DNAH9: variants seen among roughly 807,000 people sequenced by gnomAD.
The protein encoded by DNAH9 is DNAH9 variant protein.
In DNAH9, 345 loss-of-function variants were observed where a neutral mutation model predicts 471.6. That is an observed-to-expected ratio of 0.73 (90% CI 0.67 to 0.80). The LOEUF is 0.80. Ranked by LOEUF, DNAH9 falls within the 30% of genes least tolerant of loss-of-function variation. The probability of loss-of-function intolerance (pLI) is 0.00; values close to 1 mark genes in which losing one functional copy is unlikely to be tolerated. For missense variants in DNAH9, 5,407 were observed against 5,609.2 expected, an observed-to-expected ratio of 0.96 and a Z score of 1.15; for synonymous variants, 2,093 against 2,123.6, an observed-to-expected ratio of 0.99 and a Z score of 0.40.
chr17:11,649,037 G>A lies in DNAH9; in HGVS notation c.2097+1839G>A, dbSNP rs2073448146. Among the ~76,000 whole-genome samples the A allele has an allele frequency of 2.0e-5, 3 of 151,754 alleles. No homozygotes were observed. The South Asian group carries it at 6.2e-4, about 32-fold the overall frequency. The stretch of plus-strand genomic sequence containing the variant: ...AGCTACTCAGGAGGCTGAGGCAGGA[G>A]AATTGCTTGAACCTAGGAGGCAGTG... On this transcript the variant is annotated intron_variant, in intron 12 of 68. Coordinates refer to ENST00000262442, the MANE Select transcript of DNAH9 (RefSeq NM_001372.4).
intron 61 of DNAH9, among the ~76,000 whole-genome samples, chr17:11,915,326 C>T (rs912062864): frequency 2.0e-5 from 3 of 152,086 alleles, no homozygotes; most frequent in African/African-American, 7.2e-5. Flanking sequence ...GAGATCGATA[C>T]CAACCTGTCC....
At position 11,680,780 on chromosome 17, in the gene DNAH9, G is replaced by A; in HGVS notation, c.3634G>A (p.Val1212Met). ...GGTGGCCATTACTGTGAAGCAGCAGGTGGCCCCACTGCAGGCAAATGAAGT... is the reference window on the plus strand; with the variant it reads ...GGTGGCCATTACTGTGAAGCAGCAGATGGCCCCACTGCAGGCAAATGAAGT... ...KKVAITVKQQ[V>M]APLQANEVTL... Residue 1212 changes from valine to methionine, a missense_variant, in exon 19 of 69, where the codon GTG becomes ATG. Physicochemically the swap from Val to Met is conservative, Grantham distance 21. Around this residue, in one of 3 missense-constraint regions of DNAH9, gnomAD observed 4,636 missense variants for 4,900.3 expected, o/e 0.95. Coordinates refer to ENST00000262442, the MANE Select transcript of DNAH9 (RefSeq NM_001372.4). 1 of 1,613,928 alleles carries A rather than the reference G, an allele frequency of 6.2e-7. No homozygotes were observed. The highest frequency in any genetic ancestry group is 1.1e-5 in the South Asian group (1 of 91,040).
At chr17:11,703,404 T>C (rs998089703) in intron 24 of DNAH9, among the ~76,000 whole-genome samples, 4 of 152,180 alleles carry the variant, frequency 2.6e-5, no homozygotes, top group Non-Finnish European at 5.9e-5. Context: ...CTTCCTTGTT[T>C]ACCTGTATCA....
At chr17:11,721,573 T>C (rs2075059603) in intron 27 of DNAH9, among the ~76,000 whole-genome samples, 1 of 152,052 alleles carries the variant, frequency 6.6e-6, no homozygotes, top group Admixed American at 6.5e-5. Flanking sequence ...CAGCATGTGC[T>C]GAGCATTGTG....
intron 35 of DNAH9, among the ~76,000 whole-genome samples, chr17:11,762,770 G>GTTTTTGTTTT (rs1967747976): frequency 1.1e-5 from 1 of 90,742 alleles, no homozygotes; most frequent in Non-Finnish European, 2.2e-5. Flanking sequence ...TTTTTTTTTT[G>GTTTTTGTTTT]TTTTTTTTTT....
intron 55 of DNAH9, chr17:11,883,050 G>C (rs1470728330): frequency 1.0e-6 from 1 of 986,802 alleles, no homozygotes; most frequent in African/African-American, 1.7e-5. Flanking sequence ...CATAAAGAGA[G>C]GAAGAGATGA....
intron 43 of DNAH9, among the ~76,000 whole-genome samples, chr17:11,805,523 CTTTTTTTTTTTTTTTTTTTTTTTTTTT>C (rs773842478): frequency 3.1e-4 from 16 of 52,066 alleles, no homozygotes; most frequent in South Asian, 1.7e-3. Flanking sequence ...TACCCGAGTT[CTTTTTTTTTTTTTTTTTTTTTTTTTTT>C]TTTTTTTTTT....
At chr17:11,823,227 A>G (rs757007355) in intron 48 of DNAH9, among the ~76,000 whole-genome samples, 193 bp downstream of exon 48, 8 of 152,120 alleles carry the variant, frequency 5.3e-5, no homozygotes, top group Non-Finnish European at 1.0e-4. Flanking sequence ...TCTACATTGT[A>G]GGAGAGCTTT....
At chr17:11,769,376 G>T in intron 38 of DNAH9, 47 bp downstream of exon 38, 1 of 1,528,046 alleles carries the variant, frequency 6.5e-7, no homozygotes, top group Non-Finnish European at 8.9e-7. Flanking sequence ...GGGTGGCCGT[G>T]TCACCTGACA....
intron 48 of DNAH9, among the ~76,000 whole-genome samples, chr17:11,827,120 T>C (rs28533711): frequency 0.58 from 88,074 of 152,000 alleles, 25,660 homozygotes; most frequent in Non-Finnish European, 0.6. Context: ...CCACCATGCC[T>C]GGCCGAGTCC....
chr17:11,679,725 A>G lies in DNAH9; in HGVS notation c.3354-32A>G, dbSNP rs369987576. On this transcript the variant is annotated intron_variant, in intron 17 of 68. Transcript: ENST00000262442. ...CTGCCTTTCGAGAAGTAGAACGAGAATGGTTCCTCATGTTCTGTTTGTGTT... is the reference window on the plus strand; with the variant it reads ...CTGCCTTTCGAGAAGTAGAACGAGAGTGGTTCCTCATGTTCTGTTTGTGTT... The G allele has an allele frequency of 1.5e-5, 22 of 1,448,822 alleles. No homozygotes were observed. In the African/African-American group the frequency reaches 2.5e-4, roughly 17 times the overall value. The allele number at this position is 1,448,822 out of a possible 1,614,324, so 89.7% of individuals were successfully genotyped here.
At chr17:11,943,407 G>A (rs1051008754) in intron 67 of DNAH9, among the ~76,000 whole-genome samples, 4 of 152,028 alleles carry the variant, frequency 2.6e-5, no homozygotes, top group East Asian at 1.9e-4. Flanking sequence ...GGCCGGGCGC[G>A]GTGGCTCGTG....
rs1972777737 is a variant in DNAH9 at position 11,882,997 on chromosome 17, A to C, written c.10807-589A>C. Reference sequence around the variant, plus strand: ...CGAATCCAAAGGCTGTACAAGGGCAAAGACACTACAGCTGCCTGAAGTTAG... The same window carrying C: ...CGAATCCAAAGGCTGTACAAGGGCACAGACACTACAGCTGCCTGAAGTTAG... On this transcript the variant is annotated intron_variant, in intron 55 of 68. Transcript: ENST00000262442. The C allele has an allele frequency of 3.0e-6, 3 of 985,628 alleles. No homozygotes were observed. The African/African-American group carries it at 5.2e-5, about 17-fold the overall frequency. 61.1% of individuals were successfully genotyped at this position (985,628 alleles called of 1,614,324 possible).
chr17:11,949,543 G>T (rs191598784), intron 67 of DNAH9, among the ~76,000 whole-genome samples: 1 of 151,654 alleles, frequency 6.6e-6, no homozygotes, highest in Non-Finnish European at 1.5e-5. Context: ...GTGCAATGGC[G>T]CAATCTCAGC....
intron 52 of DNAH9, among the ~76,000 whole-genome samples, chr17:11,872,499 CCCA>C (rs1972307424): frequency 6.6e-6 from 1 of 152,130 alleles, no homozygotes; most frequent in Non-Finnish European, 1.5e-5. Context: ...CTTCTAGCAA[CCCA>C]CAAATACTTC....
At chr17:11,917,986 C>G (rs2151024186) in intron 61 of DNAH9, among the ~76,000 whole-genome samples, 1 of 152,228 alleles carries the variant, frequency 6.6e-6, no homozygotes, top group East Asian at 1.9e-4. Context: ...TCTGTCTTTC[C>G]ATTTTCTGAT....
At chr17:11,849,514 C>T (rs1971339020) in intron 49 of DNAH9, among the ~76,000 whole-genome samples, 1 of 152,222 alleles carries the variant, frequency 6.6e-6, no homozygotes, top group South Asian at 2.1e-4. Context: ...TCTGGACTGT[C>T]CTCCCCACTG....
At chr17:11,824,098 G>A (rs570402508) in intron 48 of DNAH9, among the ~76,000 whole-genome samples, 3 of 152,126 alleles carry the variant, frequency 2.0e-5, no homozygotes, top group African/African-American at 2.4e-5. Context: ...CTCTGCTCAC[G>A]CCCATCAAAT....
intron 33 of DNAH9, among the ~76,000 whole-genome samples, chr17:11,756,274 CAAAAAA>C (rs5819339): frequency 1.1e-4 from 15 of 135,648 alleles, no homozygotes; most frequent in African/African-American, 3.6e-4. Context: ...GAGACTCTGT[CAAAAAA>C]AAAAAAAAAA....
Sources: allele counts gnomAD v4.1 joint callset (sites outside exome capture counted in the v4.1 genomes callset), GRCh38; gene constraint gnomAD v4.1.1; regional missense constraint gnomAD v4.1.1; transcripts MANE v1.5; gene names NCBI Gene and HGNC (gene_info 2026-07-23, HGNC 2026-07-21).